Variants in POLR1F observed in about 807,000 individuals in gnomAD.
POLR1F encodes the protein RNA polymerase I subunit F, also known as DNA-directed RNA polymerase I subunit RPA43.
A neutral mutation model predicts 21.8 loss-of-function variants in POLR1F; 23 were observed. The ratio of observed to expected loss-of-function variants is 1.05; its 90% confidence interval spans 0.76 to 1.49. POLR1F has a LOEUF of 1.49. Ranked by LOEUF, POLR1F falls within the 40% of genes most tolerant of loss-of-function variation. POLR1F has a pLI of 0.00. For synonymous variants in POLR1F, 162 were observed against 152.8 expected (o/e 1.06, Z -0.45); for missense variants, 435 against 412.1 (o/e 1.06, Z -0.48).
At chr7:19,700,678 A>G (rs1783436884) in intron 2 of POLR1F, among the ~76,000 whole-genome samples, 1 of 152,180 alleles carries the variant, frequency 6.6e-6, no homozygotes, top group Non-Finnish European at 1.5e-5. Context: ...CAAACCCCAT[A>G]TAACTTCTAA....
chr7:19,700,685 C>A (rs1783436956), intron 2 of POLR1F, among the ~76,000 whole-genome samples: 1 of 152,180 alleles, frequency 6.6e-6, no homozygotes, highest in African/African-American at 2.4e-5. Flanking sequence ...CATATAACTT[C>A]TAAAAAGACC....
At chr7:19,701,183 G>C (rs1411531603) in intron 2 of POLR1F, among the ~76,000 whole-genome samples, 1 of 152,126 alleles carries the variant, frequency 6.6e-6, no homozygotes, top group Non-Finnish European at 1.5e-5. Context: ...AACTGGTACA[G>C]CTATAAAATA....
intron 2 of POLR1F, among the ~76,000 whole-genome samples, chr7:19,700,591 A>G (rs1783435669): frequency 6.6e-6 from 1 of 152,146 alleles, no homozygotes; most frequent in Non-Finnish European, 1.5e-5. Context: ...CTGTCCAAGA[A>G]AAAAAACCAT....
intron 3 of POLR1F, among the ~76,000 whole-genome samples, chr7:19,699,281 T>C (rs549751727): frequency 6.6e-6 from 1 of 152,282 alleles, no homozygotes; most frequent in East Asian, 1.9e-4. Context: ...AAATAAAACA[T>C]GGATCGATGA....
rs374367471 is a variant in POLR1F, at chr7:19,698,301, C to T, written c.*15G>A. 48 of 1,530,866 alleles carry T rather than the reference C, an allele frequency of 3.1e-5. No individual in the cohort carries two copies. The highest frequency in any genetic ancestry group is 1.8e-4 in the Middle Eastern group (1 of 5,676). The allele number at this position is 1,530,866 out of a possible 1,614,324, so 94.8% of individuals were successfully genotyped here. ...TAGATCGATCTTTTAAAAACTGAAT[C>T]GTGTTTAAAATACACTAAAGAAAAT... On this transcript the variant is annotated 3_prime_UTR_variant, in exon 4 of 4. Transcript: ENST00000222567.
chr7:19,704,950 C>T (rs1361676725), intron 1 of POLR1F, 30 bp from the exon 2 acceptor site: 16 of 1,535,476 alleles, frequency 1.0e-5, no homozygotes, highest in Admixed American at 9.4e-5. Context: ...AAAATGATAC[C>T]TTTTATCGTC....
rs1337495014 is a variant in POLR1F at position 19,695,500 on chromosome 7, T to TAAG, written c.*2815_*2816insCTT. The TAAG allele has an allele frequency of 6.6e-6, 1 of 152,018 alleles. No homozygotes were observed. The highest frequency in any genetic ancestry group is 1.5e-5 in the Non-Finnish European group (1 of 67,954). The allele number at this position is 152,018 out of a possible 1,614,324, so 9.4% of individuals were successfully genotyped here. ...GTGCTTTTTATTTATCAATTTAAAA[T>TAAG]TATCTGTTGATGCTTTCATTATACA... is the stretch of plus-strand genomic sequence containing the variant. On this transcript the variant is annotated 3_prime_UTR_variant, in exon 4 of 4. Coordinates refer to ENST00000222567, the MANE Select transcript of POLR1F (RefSeq NM_001002926.2).
At chr7:19,703,628 A>C (rs1451596747) in intron 2 of POLR1F, among the ~76,000 whole-genome samples, 1 of 152,096 alleles carries the variant, frequency 6.6e-6, no homozygotes, top group East Asian at 1.9e-4. Flanking sequence ...ACAGGGTCTC[A>C]CTGTTGCCTA....
Position 19,695,867 on chromosome 7 carries a change from A to G in POLR1F, c.*2449T>C, listed in dbSNP as rs929881134. 6.6e-6 allele frequency: 1 copy of G among 152,162 alleles called. No homozygotes were observed. The highest frequency in any genetic ancestry group is 2.1e-4 in the South Asian group (1 of 4,838). 9.4% of individuals were successfully genotyped at this position (152,162 alleles called of 1,614,324 possible). ...GGGTCAAAATGCTGCTCTTCCAACA[A>G]CAAGCTTAAACACTAAACGTAAAGC... On this transcript the variant is annotated 3_prime_UTR_variant, in exon 4 of 4. Coordinates refer to ENST00000222567, the MANE Select transcript of POLR1F (RefSeq NM_001002926.2).
chr7:19,701,447 T>A (rs530108095), intron 2 of POLR1F, among the ~76,000 whole-genome samples: 35 of 152,288 alleles, frequency 2.3e-4, no homozygotes, highest in African/African-American at 7.0e-4. Flanking sequence ...CTATTCCGTA[T>A]CATACTATAA....
chr7:19,698,328 A>G lies in POLR1F; in HGVS notation c.1005T>C (p.Ser335=), dbSNP rs1554295761. Residue 335 remains serine, a synonymous_variant, in exon 4 of 4, where the codon AGT becomes AGC. Coordinates refer to ENST00000222567, the MANE Select transcript of POLR1F (RefSeq NM_001002926.2). ...LKCSPKRKGK[S]NFL is the part of the protein sequence containing the mutation. ...TGTTTAAAATACACTAAAGAAAATT[A>G]CTTTTCCCTTTTCTTTTTGGTGAGC... is the stretch of plus-strand genomic sequence containing the variant. 27 of 1,562,224 alleles carry G rather than the reference A, an allele frequency of 1.7e-5. No homozygotes were observed. The South Asian group carries it at 3.2e-4, about 19-fold the overall frequency.
chr7:19,702,293 A>C (rs1783456175), intron 2 of POLR1F, among the ~76,000 whole-genome samples: 1 of 152,224 alleles, frequency 6.6e-6, no homozygotes, highest in Admixed American at 6.5e-5. Flanking sequence ...CTGCTGTTAA[A>C]AATATGTCAA....
chr7:19,708,773 A>G lies in POLR1F; in HGVS notation c.244T>C (p.Tyr82His). 1 of 1,611,952 alleles carries G rather than the reference A, an allele frequency of 6.2e-7. No individual in the cohort carries two copies. Among genetic ancestry groups the G allele is most frequent in the South Asian group, 1.1e-5 (1 of 91,046 alleles). Residue 82 changes from tyrosine to histidine, a missense_variant, in exon 1 of 4, where the codon TAT becomes CAT. By Grantham distance (83) the Tyr-to-His change is moderately conservative. Coordinates refer to ENST00000222567, the MANE Select transcript of POLR1F (RefSeq NM_001002926.2). ...CAAAGAGATCGGTACCTCTCAGAAT[A>G]GCGAAGGAGCTCCGCATCAAGCTGT... is the stretch of plus-strand genomic sequence containing the variant. ...REQLDAELLR[Y>H]SESLLGVPIA...
intron 1 of POLR1F, among the ~76,000 whole-genome samples, chr7:19,707,194 G>T (rs1783537495): frequency 6.6e-6 from 1 of 151,924 alleles, no homozygotes; most frequent in Non-Finnish European, 1.5e-5. Context: ...ATCCTATTTG[G>T]TAGCTAACCA....
intron 2 of POLR1F, 123 bp downstream of exon 2, chr7:19,704,656 A>G: frequency 2.2e-6 from 2 of 898,694 alleles, no homozygotes; most frequent in South Asian, 2.0e-5. Flanking sequence ...CTTAAAAATA[A>G]TATTTATTTA....
chr7:19,706,386 G>A (rs62454509), intron 1 of POLR1F, among the ~76,000 whole-genome samples: 8 of 152,108 alleles, frequency 5.3e-5, no homozygotes, highest in African/African-American at 1.9e-4. Context: ...CTTTATTTCC[G>A]CTAATCAAAG....
rs1783371382 is a variant in POLR1F at position 19,696,876 on chromosome 7, C to G, written c.*1440G>C. ...GACAGCACATCTCAATTTGGACAAG[C>G]TACATTTCCAGGGCTCAATAGTCAC... is the stretch of plus-strand genomic sequence containing the variant. On this transcript the variant is annotated 3_prime_UTR_variant, in exon 4 of 4. Transcript: ENST00000222567. 1 of 152,056 alleles carries G rather than the reference C, an allele frequency of 6.6e-6. No individual in the cohort carries two copies. Among genetic ancestry groups the G allele is most frequent in the East Asian group, 1.9e-4 (1 of 5,200 alleles). The allele number at this position is 152,056 out of a possible 1,614,324, so 9.4% of individuals were successfully genotyped here.
rs1010798638 is a variant in POLR1F, at chr7:19,704,778, C to T, written c.396+1G>A. ...GAGCTAGAAAAAAGTGATACACATA[C>T]CATAAGCTTCTGCCCTGGTTCAGGG... On this transcript the variant is annotated splice_donor_variant, in intron 2 of 3. Coordinates refer to ENST00000222567, the MANE Select transcript of POLR1F (RefSeq NM_001002926.2). LOFTEE classifies it high-confidence loss of function. The T allele has an allele frequency of 6.3e-7, 1 of 1,589,810 alleles. No homozygotes were observed. Among genetic ancestry groups the T allele is most frequent in the African/African-American group, 1.4e-5 (1 of 73,026 alleles).
chr7:19,704,245 GAAAGT>G (rs916367539), intron 2 of POLR1F, among the ~76,000 whole-genome samples: 3 of 152,158 alleles, frequency 2.0e-5, no homozygotes, highest in Non-Finnish European at 4.4e-5. Flanking sequence ...GAAGAGAGGA[GAAAGT>G]AAAGAGTAAA....
Sources: gnomAD v4.1 joint callset for allele counts (sites outside exome capture counted in the v4.1 genomes callset) on GRCh38, gnomAD v4.1.1 for gene constraint, MANE v1.5 for transcripts, NCBI Gene and HGNC (gene_info 2026-07-23, HGNC 2026-07-21) for gene names.